The following ENOX1 variants were observed in gnomAD, a reference collection of about 807,000 sequenced individuals.
ENOX1 encodes the protein candidate growth-related and time keeping constitutive hydroquinone (NADH) oxidase.
A neutral mutation model predicts 82.5 loss-of-function variants in ENOX1; 42 were observed. The observed-to-expected ratio is 0.51, with a 90% CI of 0.40 to 0.66. ENOX1 has a LOEUF of 0.66. Among genes scored for constraint, ENOX1 ranks in the 30% least tolerant of loss-of-function variants. ENOX1 has a pLI of 0.00. For missense variants in ENOX1, 608 were observed against 811.6 expected, an observed-to-expected ratio of 0.75 and a Z score of 3.05; for synonymous variants, 271 against 282.2, an observed-to-expected ratio of 0.96 and a Z score of 0.40.
At chr13:43,784,086 CA>C (rs1423217894) in intron 1 of ENOX1, among the ~76,000 whole-genome samples, 1 of 152,078 alleles carries the variant, frequency 6.6e-6, no homozygotes, top group Non-Finnish European at 1.5e-5. Flanking sequence ...AAAACAGGGC[CA>C]CCTTTTGGAC....
At chr13:43,694,637 T>C (rs576250225) in intron 1 of ENOX1, among the ~76,000 whole-genome samples, 9 of 152,332 alleles carry the variant, frequency 5.9e-5, no homozygotes, top group Admixed American at 1.3e-4. Context: ...AAGATTGCTG[T>C]CACTTTTATA....
chr13:43,504,204 A>G (rs2077074183), intron 2 of ENOX1, among the ~76,000 whole-genome samples: 1 of 151,806 alleles, frequency 6.6e-6, no homozygotes, highest in African/African-American at 2.4e-5. Flanking sequence ...GAGAAAAAGG[A>G]ACCTTTATAA....
intron 15 of ENOX1, among the ~76,000 whole-genome samples, chr13:43,229,578 A>C (rs1195813426): frequency 6.6e-6 from 1 of 152,166 alleles, no homozygotes; most frequent in Admixed American, 6.5e-5. Flanking sequence ...AAACCAAAAG[A>C]GTGGTTCTAA....
chr13:43,495,276 C>T (rs1282741395), intron 2 of ENOX1, among the ~76,000 whole-genome samples: 1 of 152,138 alleles, frequency 6.6e-6, no homozygotes, highest in East Asian at 1.9e-4. Context: ...AAGTAACCTA[C>T]ACACAAGTCA....
In ENOX1 at chr13:43,244,110, G is replaced by C. The variant is rs57017544; in HGVS notation, c.1612-7372C>G. 9.8e-3 allele frequency among the ~76,000 whole-genome samples: 1,482 copies of C among 150,768 alleles called. 26 individuals are homozygous for C. Among genetic ancestry groups the C allele is most frequent in the African/African-American group, 0.034 (1,392 of 40,864 alleles). On this transcript the variant is annotated intron_variant, in intron 14 of 16. Coordinates refer to ENST00000690772, the MANE Select transcript of ENOX1 (RefSeq NM_001347969.2). ...GGCAGAATGGCCGAATGGAAGCTGT[G>C]TTCTAAATCTGTCACATTATTTACA...
chr13:43,680,666 T>C (rs1312014350), intron 1 of ENOX1, among the ~76,000 whole-genome samples: 4 of 152,116 alleles, frequency 2.6e-5, no homozygotes, highest in Non-Finnish European at 4.4e-5. Flanking sequence ...ACCCACCTCA[T>C]TGAGTTGTTA....
chr13:43,214,550 G>A (rs550199171), intron 16 of ENOX1, among the ~76,000 whole-genome samples: 32 of 152,226 alleles, frequency 2.1e-4, no homozygotes, highest in Non-Finnish European at 3.5e-4. Context: ...GAAGACATTC[G>A]GGTGGATTTC....
intron 5 of ENOX1, among the ~76,000 whole-genome samples, chr13:43,372,564 T>G (rs954007289): frequency 2.0e-5 from 3 of 152,158 alleles, no homozygotes; most frequent in Non-Finnish European, 2.9e-5. Flanking sequence ...GAGGACATCA[T>G]AATCCCATGC....
chr13:43,547,547 T>C (rs1487933563), intron 2 of ENOX1: 1 of 152,218 alleles, frequency 6.6e-6, no homozygotes, highest in Non-Finnish European at 1.5e-5. Context: ...GAAAGTGAAC[T>C]TTCTACATAC....
At chr13:43,525,875 G>T (rs1299327513) in intron 2 of ENOX1, among the ~76,000 whole-genome samples, 1 of 152,000 alleles carries the variant, frequency 6.6e-6, no homozygotes, top group East Asian at 1.9e-4. Flanking sequence ...GATATTCTGG[G>T]TATTAACCCC....
chr13:43,606,321 A>G (rs956264719), intron 2 of ENOX1, among the ~76,000 whole-genome samples: 1 of 152,208 alleles, frequency 6.6e-6, no homozygotes, highest in Non-Finnish European at 1.5e-5. Flanking sequence ...TATACCCAAA[A>G]GAAAGGAAAT....
intron 3 of ENOX1, among the ~76,000 whole-genome samples, chr13:43,422,842 G>T (rs939911639): frequency 6.6e-6 from 1 of 152,056 alleles, no homozygotes; most frequent in Non-Finnish European, 1.5e-5. Flanking sequence ...GGAAAACTTT[G>T]CTTTTGGAAA....
intron 3 of ENOX1, among the ~76,000 whole-genome samples, chr13:43,436,032 C>T (rs6561127): frequency 0.43 from 64,930 of 151,514 alleles, 14,492 homozygotes; most frequent in South Asian, 0.56. Flanking sequence ...AAATCGGGAG[C>T]GTTGGAGGCT....
At chr13:43,385,684 A>C (rs1231604145) in intron 5 of ENOX1, among the ~76,000 whole-genome samples, 2 of 152,202 alleles carry the variant, frequency 1.3e-5, no homozygotes, top group Non-Finnish European at 2.9e-5. Flanking sequence ...AATGATAAAC[A>C]ACCATATATT....
intron 9 of ENOX1, 85 bp downstream of exon 9, chr13:43,344,453 C>T: frequency 1.8e-6 from 2 of 1,111,978 alleles, no homozygotes; most frequent in Admixed American, 2.1e-5. Flanking sequence ...TATTGAACTA[C>T]TTACCCCCAA....
chr13:43,505,130 T>A (rs9525793), intron 2 of ENOX1, among the ~76,000 whole-genome samples: 6 of 151,804 alleles, frequency 4.0e-5, no homozygotes, highest in African/African-American at 9.7e-5. Flanking sequence ...TAAAGAGACA[T>A]GAGATTTATA....
chr13:43,643,838 C>A (rs2083773953), intron 2 of ENOX1, among the ~76,000 whole-genome samples: 1 of 152,042 alleles, frequency 6.6e-6, no homozygotes, highest in South Asian at 2.1e-4. Flanking sequence ...CTTTCCTCTC[C>A]TCATCTCCCT....
chr13:43,322,575 T>C, intron 10 of ENOX1, 74 bp from the exon 11 acceptor site: 1 of 1,161,276 alleles, frequency 8.6e-7, no homozygotes, highest in Non-Finnish European at 1.3e-6. Context: ...TGGGTATATA[T>C]GACTGGCATA....
At chr13:43,223,644 T>A (rs1161779149) in intron 16 of ENOX1, among the ~76,000 whole-genome samples, 1 of 152,122 alleles carries the variant, frequency 6.6e-6, no homozygotes, top group African/African-American at 2.4e-5. Context: ...GATCTTTATA[T>A]TATTTGGGAT....
Sources: gnomAD v4.1 joint callset for allele counts (sites outside exome capture counted in the v4.1 genomes callset) on GRCh38, gnomAD v4.1.1 for gene constraint, MANE v1.5 for transcripts, NCBI Gene and HGNC (gene_info 2026-07-23, HGNC 2026-07-21) for gene names.